TMC6: variants seen among roughly 807,000 people sequenced by gnomAD.
TMC6 encodes transmembrane channel like 6.
Under a neutral mutation model 95.4 loss-of-function variants are expected in TMC6, and 71 were observed. The ratio of observed to expected loss-of-function variants is 0.74; its 90% confidence interval spans 0.61 to 0.91. TMC6 has a LOEUF of 0.91. Among genes scored for constraint, TMC6 ranks in the 40% least tolerant of loss-of-function variants. The pLI is 0.00. For missense variants in TMC6, 1,074 were observed against 1,079.1 expected, an observed-to-expected ratio of 1.00 and a Z score of 0.07; for synonymous variants, 514 against 483.1, an observed-to-expected ratio of 1.06 and a Z score of -0.84.
At chr17:78,118,825 G>A (rs985441703) in intron 15 of TMC6, 146 bp downstream of exon 15, 1 of 859,886 alleles carries the variant, frequency 1.2e-6, no homozygotes. Context: ...TTGGGCGGAG[G>A]GACAGGCCAG....
chr17:78,119,170 T>C, intron 14 of TMC6, 124 bp from the exon 15 acceptor site: 1 of 1,495,420 alleles, frequency 6.7e-7, no homozygotes, highest in Admixed American at 1.7e-5. Context: ...GGTTAGGGTC[T>C]GCATCACTCC....
Position 78,111,656 on chromosome 17 carries a change from A to G in TMC6, c.*1492T>C, listed in dbSNP as rs1163400677. On this transcript the variant is annotated 3_prime_UTR_variant, in exon 20 of 20. Coordinates refer to ENST00000590602, the MANE Select transcript of TMC6 (RefSeq NM_001127198.5). The stretch of plus-strand genomic sequence containing the variant: ...AACTCTGTCGGGCCCCTGTGGCAGC[A>G]CCCAGATGTCTGCAGAGCACAGGAG... 6.5e-6 allele frequency: 1 copy of G among 153,082 alleles called. No individual in the cohort carries two copies. Among genetic ancestry groups the G allele is most frequent in the Non-Finnish European group, 1.5e-5 (1 of 68,502 alleles). 9.5% of individuals were successfully genotyped at this position (153,082 alleles called of 1,614,324 possible). A position where few individuals can be genotyped will look rare whatever the true frequency, so the allele number is the denominator to read the frequency against.
intron 19 of TMC6, 134 bp from the exon 20 acceptor site, chr17:78,113,345 C>T (rs1254438522): frequency 1.6e-6 from 2 of 1,264,744 alleles, no homozygotes; most frequent in Non-Finnish European, 1.1e-6. Flanking sequence ...ATTTTAGGTC[C>T]CTGTCAAAAT....
intron 2 of TMC6, 59 bp downstream of exon 2, chr17:78,126,718 G>A: frequency 6.2e-7 from 1 of 1,611,798 alleles, no homozygotes; most frequent in Non-Finnish European, 8.5e-7. Flanking sequence ...CTGCTCAGGT[G>A]ACCTCTCCGT....
At chr17:78,119,971 T>G (rs1039996612) in intron 13 of TMC6, 1 of 368,024 alleles carries the variant, frequency 2.7e-6, no homozygotes, top group East Asian at 8.6e-5. Flanking sequence ...TTTAATCTTA[T>G]TTTTTATTAT....
rs1380457273 is a variant in TMC6, at chr17:78,117,834, G to T, written c.1989C>A (p.Gly663=). 6.2e-7 allele frequency: 1 copy of T among 1,607,744 alleles called. No individual in the cohort carries two copies. The highest frequency in any genetic ancestry group is 1.7e-4 in the Middle Eastern group (1 of 6,052). ...LTLLCFPAFL[G]AAVFLCYAVW... ...CGGCGTAGCAGAGGAAGACAGCGGC[G>T]CCCAGGAAGGCGGGGAAGCAGAGCA... Residue 663 remains glycine, a synonymous_variant, in exon 16 of 20, where the codon GGC becomes GGA. Transcript: ENST00000590602.
intron 13 of TMC6, chr17:78,120,033 A>G: frequency 2.5e-6 from 1 of 393,370 alleles, no homozygotes; most frequent in Non-Finnish European, 4.9e-6. Context: ...AAAACAGCTG[A>G]AGTGCCAGAA....
At chr17:78,125,552 C>T (rs1367381353) in intron 5 of TMC6, among the ~76,000 whole-genome samples, 174 bp downstream of exon 5, 6 of 152,250 alleles carry the variant, frequency 3.9e-5, no homozygotes, top group Non-Finnish European at 8.8e-5. Context: ...CCCCACTTCC[C>T]TGTCCCCGTG....
chr17:78,125,880 G>A lies in TMC6; in HGVS notation c.276C>T (p.Arg92=), dbSNP rs1200666811. ...ACTGGGAGATGATGGCACCTCGGCT[G>A]CGGCCTATGGAGGCAGCTGGGCAGG... ...LASMPSRTIG[R]SRGAIISQYY... is the part of the protein sequence containing the mutation. Residue 92 remains arginine, a synonymous_variant, in exon 5 of 20, where the codon CGC becomes CGT. Coordinates refer to ENST00000590602, the MANE Select transcript of TMC6 (RefSeq NM_001127198.5). 3.9e-6 allele frequency: 6 copies of A among 1,550,598 alleles called. No individual in the cohort carries two copies. In the Admixed American group the frequency reaches 9.8e-5, roughly 25 times the overall value.
rs1355556753 is a variant in TMC6 at position 78,108,799 on chromosome 17, T to C, written c.*4349A>G. On this transcript the variant is annotated 3_prime_UTR_variant, in exon 20 of 20. Coordinates refer to ENST00000590602, the MANE Select transcript of TMC6 (RefSeq NM_001127198.5). Reference sequence around the variant, plus strand: ...CTGTGGATATATATTTTTTTAAGTTTATTAAATTTTTTTTTAAATGGCAGT... The same window carrying C: ...CTGTGGATATATATTTTTTTAAGTTCATTAAATTTTTTTTTAAATGGCAGT... 1 of 152,232 alleles carries C rather than the reference T, an allele frequency of 6.6e-6. No homozygotes were observed. Among genetic ancestry groups the C allele is most frequent in the African/African-American group, 2.4e-5 (1 of 41,444 alleles). 9.4% of individuals were successfully genotyped at this position (152,232 alleles called of 1,614,324 possible).
upstream of TMC6, chr17:78,132,413 T>C (rs1166689406): frequency 1.1e-5 from 17 of 1,612,982 alleles, no homozygotes; most frequent in Non-Finnish European, 1.1e-5. Flanking sequence ...TTCCTGCTGC[T>C]ACTCAACCTG....
upstream of TMC6, chr17:78,131,478 A>G (rs560558907): frequency 6.2e-6 from 9 of 1,451,712 alleles, no homozygotes; most frequent in South Asian, 8.6e-5. Context: ...GCCCGCCCCC[A>G]GCCCAGCGTG....
chr17:78,123,405 G>A (rs2074512226), intron 9 of TMC6, among the ~76,000 whole-genome samples: 2 of 151,228 alleles, frequency 1.3e-5, no homozygotes. Flanking sequence ...ACGGATGGGT[G>A]GATGAATGGG....
At chr17:78,119,997 T>G in intron 13 of TMC6, 1 of 393,606 alleles carries the variant, frequency 2.5e-6, no homozygotes, top group Non-Finnish European at 4.9e-6. Flanking sequence ...AATTCATATA[T>G]TCTCGAAGAA....
Position 78,124,671 on chromosome 17 carries a change from G to A in TMC6, c.744C>T (p.Tyr248=), listed in dbSNP as rs121908329. ...GGQFGSSVLS[Y]FLFLKTLLAF... is the part of the protein sequence containing the mutation. Reference sequence around the variant, plus strand: ...CCAGCAGGGTCTTGAGAAAGAGGAAGTAGGAGAGCACGCTGGAGCCGAACT... The same window carrying A: ...CCAGCAGGGTCTTGAGAAAGAGGAAATAGGAGAGCACGCTGGAGCCGAACT... Residue 248 remains tyrosine (Y), a synonymous_variant, in exon 8 of 20, where the codon TAC becomes TAT. Coordinates refer to ENST00000590602, the MANE Select transcript of TMC6 (RefSeq NM_001127198.5). 5 of 1,609,748 alleles carry A rather than the reference G, an allele frequency of 3.1e-6. No homozygotes were observed. The highest frequency in any genetic ancestry group is 1.6e-4 in the Middle Eastern group (1 of 6,072).
Position 78,121,479 on chromosome 17 carries a change from G to T in TMC6, c.1383+77C>A. The T allele has an allele frequency of 6.2e-7, 1 of 1,600,588 alleles. No individual in the cohort carries two copies. The highest frequency in any genetic ancestry group is 8.5e-7 in the Non-Finnish European group (1 of 1,175,154). On this transcript the variant is annotated intron_variant, in intron 11 of 19. Coordinates refer to ENST00000590602, the MANE Select transcript of TMC6 (RefSeq NM_001127198.5). The surrounding 1 kb of genome is among the most constrained non-coding windows in gnomAD (Gnocchi z 5.6). ...TGGGTGGAGGAGGAGAGGCAAGGCT[G>T]CCTCCCCAGGGGGCAGGTGCCCAGA... is the stretch of plus-strand genomic sequence containing the variant.
At chr17:78,120,412 A>C (rs991903572) in intron 13 of TMC6, 1 of 608,930 alleles carries the variant, frequency 1.6e-6, no homozygotes, top group Non-Finnish European at 3.0e-6. Flanking sequence ...CACTCACCTC[A>C]GCCTCCCAAA....
chr17:78,120,496 C>T (rs570755263), intron 13 of TMC6, 157 bp downstream of exon 13: 1 of 1,188,642 alleles, frequency 8.4e-7, no homozygotes, highest in East Asian at 2.3e-5. Context: ...CCTTTCCAAT[C>T]TAAAAATGAG....
chr17:78,122,551 G>A lies in TMC6; in HGVS notation c.1227+54C>T. On this transcript the variant is annotated intron_variant, in intron 10 of 19. Coordinates refer to ENST00000590602, the MANE Select transcript of TMC6 (RefSeq NM_001127198.5). The surrounding 1 kb of genome is among the most constrained non-coding windows in gnomAD (Gnocchi z 4.9). ...GTCACATGGTCCTAAGTGGACCCAG[G>A]GCCAGGCCTGCAGGGAGCTGGGCAG... The A allele has an allele frequency of 6.3e-7, 1 of 1,599,788 alleles. No homozygotes were observed. Among genetic ancestry groups the A allele is most frequent in the Non-Finnish European group, 8.5e-7 (1 of 1,179,178 alleles).
Sources: gnomAD v4.1 joint callset for allele counts (sites outside exome capture counted in the v4.1 genomes callset) on GRCh38, gnomAD v4.1.1 for gene constraint, Gnocchi (gnomAD v3.1) non-coding constraint, MANE v1.5 for transcripts, NCBI Gene and HGNC (gene_info 2026-07-23, HGNC 2026-07-21) for gene names.